The following C3orf20 variants were observed in gnomAD, a reference collection of about 807,000 sequenced individuals.
C3orf20 encodes family with sequence similarity 149 member C.
C3orf20 carries 76 observed loss-of-function variants against 88.3 expected under a neutral mutation model. The ratio of observed to expected loss-of-function variants is 0.86; its 90% CI spans 0.72 to 1.04. The LOEUF (loss-of-function observed/expected upper bound fraction) is 1.04. Among genes scored for constraint, C3orf20 ranks in the 50% least tolerant of loss-of-function variants. The pLI is 0.00. For synonymous variants in C3orf20, 436 were observed against 437.4 expected, an observed-to-expected ratio of 1.00 and a Z score of 0.04; for missense variants, 1,056 against 1,123.3, an observed-to-expected ratio of 0.94 and a Z score of 0.86.
At chr3:14,692,152 T>C (rs1356534721) in intron 5 of C3orf20, among the ~76,000 whole-genome samples, 1 of 152,226 alleles carries the variant, frequency 6.6e-6, no homozygotes, top group Non-Finnish European at 1.5e-5. Flanking sequence ...TGTTGTTGAT[T>C]GACACTTAGA....
chr3:14,755,470 T>C (rs543134872), intron 12 of C3orf20, among the ~76,000 whole-genome samples: 1 of 152,280 alleles, frequency 6.6e-6, no homozygotes, highest in South Asian at 2.1e-4. Context: ...TCTCCCTGGG[T>C]AAGCTATAAT....
intron 12 of C3orf20, among the ~76,000 whole-genome samples, chr3:14,749,257 G>A (rs890781536): frequency 1.3e-5 from 2 of 152,196 alleles, no homozygotes; most frequent in Admixed American, 6.5e-5. Context: ...TCTGATATTA[G>A]TATAACCACT....
intron 12 of C3orf20, among the ~76,000 whole-genome samples, chr3:14,745,769 T>C (rs2035041891): frequency 6.6e-6 from 1 of 152,258 alleles, no homozygotes; most frequent in African/African-American, 2.4e-5. Flanking sequence ...TTTTAATTTG[T>C]ATTTATATTA....
At position 14,684,311 on chromosome 3, in the gene C3orf20, A is replaced by G. The variant is rs750109397; in HGVS notation, c.554A>G (p.Lys185Arg). Residue 185 changes from lysine (K) to arginine (R), a missense_variant, in exon 4 of 17, where the codon AAG (lysine) becomes AGG (arginine). Coordinates refer to ENST00000253697, the MANE Select transcript of C3orf20 (RefSeq NM_032137.5). ...AGCCAGCTCCTCCACCTCAATGCCA[A>G]GGAGATGGCCTTCAACTGCCTGATC... ...EASQLLHLNA[K>R]EMAFNCLIST... is the part of the protein sequence containing the mutation. 1 of 1,614,178 alleles carries G rather than the reference A, an allele frequency of 6.2e-7. No homozygotes were observed. The highest frequency in any genetic ancestry group is 1.7e-5 in the Admixed American group (1 of 60,024).
At chr3:14,744,436 T>G (rs941881919) in intron 12 of C3orf20, among the ~76,000 whole-genome samples, 10 of 151,868 alleles carry the variant, frequency 6.6e-5, no homozygotes, top group Non-Finnish European at 1.5e-4. Context: ...GTTCCAAAAT[T>G]TCCCACATTT....
intron 14 of C3orf20, among the ~76,000 whole-genome samples, 164 bp from the exon 15 acceptor site, chr3:14,761,309 G>A (rs1325338724): frequency 6.6e-6 from 1 of 151,732 alleles, no homozygotes; most frequent in Admixed American, 6.5e-5. Flanking sequence ...GCAACTCAGG[G>A]AGGGCAGCAC....
intron 12 of C3orf20, among the ~76,000 whole-genome samples, chr3:14,731,002 T>A: frequency 6.6e-6 from 1 of 152,322 alleles, no homozygotes; most frequent in Non-Finnish European, 1.5e-5. Flanking sequence ...AGTGGATGTC[T>A]GAAACTGTGA....
At chr3:14,685,107 T>C (rs1021866708) in intron 4 of C3orf20, among the ~76,000 whole-genome samples, 3 of 152,094 alleles carry the variant, frequency 2.0e-5, no homozygotes, top group Admixed American at 6.6e-5. Context: ...GAAAAAGATA[T>C]AAATTAAGGT....
intron 12 of C3orf20, among the ~76,000 whole-genome samples, chr3:14,756,787 C>T (rs1403499823): frequency 1.3e-5 from 2 of 152,158 alleles, no homozygotes; most frequent in African/African-American, 4.8e-5. Flanking sequence ...ATTCTTGCAG[C>T]CTTGAAGCAC....
chr3:14,685,679 C>T (rs1163486011), intron 4 of C3orf20, among the ~76,000 whole-genome samples: 2 of 152,048 alleles, frequency 1.3e-5, no homozygotes, highest in African/African-American at 2.4e-5. Flanking sequence ...CCGCTGCCAC[C>T]CTCCAGTCCC....
At chr3:14,688,842 C>A (rs2032575660) in intron 4 of C3orf20, among the ~76,000 whole-genome samples, 1 of 151,932 alleles carries the variant, frequency 6.6e-6, no homozygotes, top group African/African-American at 2.4e-5. Context: ...TTCTTAGTTT[C>A]TTTTACTTAA....
At chr3:14,687,363 A>G (rs557740859) in intron 4 of C3orf20, among the ~76,000 whole-genome samples, 8 of 152,316 alleles carry the variant, frequency 5.3e-5, no homozygotes, top group Admixed American at 6.5e-5. Context: ...AGTTGTGATA[A>G]AACACTCTTA....
At chr3:14,733,349 T>G (rs1305236960) in intron 12 of C3orf20, among the ~76,000 whole-genome samples, 1 of 152,208 alleles carries the variant, frequency 6.6e-6, no homozygotes, top group Non-Finnish European at 1.5e-5. Flanking sequence ...ATATATTTCC[T>G]TTTTATGTAT....
At chr3:14,710,954 C>T (rs771568193) in intron 7 of C3orf20, among the ~76,000 whole-genome samples, 17 of 150,488 alleles carry the variant, frequency 1.1e-4, no homozygotes, top group Non-Finnish European at 1.8e-4. Flanking sequence ...GGTGCAGTGG[C>T]GCAATCTTGG....
In C3orf20 at chr3:14,771,555, T is replaced by G. The variant is rs547930536; in HGVS notation, c.2496-512T>G. On this transcript the variant is annotated intron_variant, in intron 15 of 16. Transcript: ENST00000253697. ...TCCTCACATGGCATTCTCCCAAATT[T>G]CCCCTTTGTAGAGGAACACCAGTTA... 3.9e-5 allele frequency among the ~76,000 whole-genome samples: 6 copies of G among 152,310 alleles called. No individual in the cohort carries two copies. The South Asian group carries it at 1.0e-3, about 26-fold the overall frequency.
At chr3:14,682,430 GA>G in intron 2 of C3orf20, 99 bp downstream of exon 2, 1 of 411,548 alleles carries the variant, frequency 2.4e-6, no homozygotes, top group Non-Finnish European at 4.4e-6. Flanking sequence ...AGCTTTCCTG[GA>G]ACCATACTTA....
rs2032153387 is a variant in C3orf20, at chr3:14,682,619, T to C, written c.-95T>C. ...GACCTGTAAGGGCCGTTTCAGCACA[T>C]CCATTCTGTCCATCTCCAAGCCTTC... On this transcript the variant is annotated 5_prime_UTR_variant, in exon 3 of 17. Transcript: ENST00000253697. 1 of 1,477,126 alleles carries C rather than the reference T, an allele frequency of 6.8e-7. No homozygotes were observed. Among genetic ancestry groups the C allele is most frequent in the South Asian group, 1.3e-5 (1 of 74,454 alleles). The allele number at this position is 1,477,126 out of a possible 1,614,324, so 91.5% of individuals were successfully genotyped here.
Position 14,703,407 on chromosome 3 carries a change from C to A in C3orf20, c.878+145C>A, listed in dbSNP as rs2033360379. On this transcript the variant is annotated intron_variant, in intron 6 of 16. Transcript: ENST00000253697. ...TGGGAGCGTGGGTTATGTGGTACTC[C>A]CCACGACAGCCACAGGTGCAGCATC... 2.3e-6 allele frequency: 3 copies of A among 1,299,518 alleles called. No homozygotes were observed. In the African/African-American group the frequency reaches 4.4e-5, roughly 19 times the overall value. The allele number at this position is 1,299,518 out of a possible 1,614,324, so 80.5% of individuals were successfully genotyped here.
At chr3:14,751,201 CT>C (rs2035209581) in intron 12 of C3orf20, among the ~76,000 whole-genome samples, 1 of 151,888 alleles carries the variant, frequency 6.6e-6, no homozygotes, top group Non-Finnish European at 1.5e-5. Context: ...TCCTGGTTTC[CT>C]TTAGTTGTTT....
Sources: gnomAD v4.1 joint callset for allele counts (sites outside exome capture counted in the v4.1 genomes callset) on GRCh38, gnomAD v4.1.1 for gene constraint, MANE v1.5 for transcripts, NCBI Gene and HGNC (gene_info 2026-07-23, HGNC 2026-07-21) for gene names.